Variants in AFAP1L2 observed in about 807,000 individuals in gnomAD.
AFAP1L2 encodes the protein actin filament-associated protein 1-like 2.
In AFAP1L2, 46 loss-of-function variants were observed where a neutral mutation model predicts 99.3. The ratio of observed to expected loss-of-function variants is 0.46; its 90% confidence interval spans 0.37 to 0.59. The LOEUF (loss-of-function observed/expected upper bound fraction) is 0.59. Ranked by LOEUF, AFAP1L2 falls within the 20% of genes least tolerant of loss-of-function variation. AFAP1L2 has a pLI of 0.00. For missense variants in AFAP1L2, 959 were observed against 1,034.9 expected (o/e 0.93, Z 1.01); for synonymous variants, 397 against 419.1 (o/e 0.95, Z 0.64).
At chr10:114,383,161 AAT>A (rs1388189731) in intron 1 of AFAP1L2, among the ~76,000 whole-genome samples, 1 of 152,240 alleles carries the variant, frequency 6.6e-6, no homozygotes, top group African/African-American at 2.4e-5. Context: ...ATATGTGGAC[AAT>A]GTTTTGAAAG....
chr10:114,387,546 C>T (rs533825251), intron 1 of AFAP1L2, among the ~76,000 whole-genome samples: 1 of 152,306 alleles, frequency 6.6e-6, no homozygotes, highest in South Asian at 2.1e-4. Flanking sequence ...GGGCTCTGAC[C>T]ATGTGCTGAA....
chr10:114,356,595 G>A (rs976383827), intron 1 of AFAP1L2, among the ~76,000 whole-genome samples: 6 of 152,020 alleles, frequency 3.9e-5, no homozygotes, highest in Non-Finnish European at 8.8e-5. Context: ...ATTTCTATTG[G>A]ATAGTACTGA....
chr10:114,295,278 A>G lies in AFAP1L2; in HGVS notation c.*764T>C. On this transcript the variant is annotated 3_prime_UTR_variant, in exon 19 of 19. Coordinates refer to ENST00000304129, the MANE Select transcript of AFAP1L2 (RefSeq NM_001001936.3). ...AGTAAAGAGTCACTTTAATCTCAAA[A>G]GATACTTTTCACTGTTCTAAATGAC... 1 of 985,200 alleles carries G rather than the reference A, an allele frequency of 1.0e-6. No individual in the cohort carries two copies. Among genetic ancestry groups the G allele is most frequent in the Non-Finnish European group, 1.2e-6 (1 of 829,294 alleles). The allele number at this position is 985,200 out of a possible 1,614,324, so 61.0% of individuals were successfully genotyped here.
rs1042313031 is a variant in AFAP1L2 at position 114,302,188 on chromosome 10, G to A, written c.1430+151C>T. 5 of 1,208,144 alleles carry A rather than the reference G, an allele frequency of 4.1e-6. No homozygotes were observed. The African/African-American group carries it at 6.1e-5, about 15-fold the overall frequency. The allele number at this position is 1,208,144 out of a possible 1,614,324, so 74.8% of individuals were successfully genotyped here. On this transcript the variant is annotated intron_variant, in intron 12 of 18. Coordinates refer to ENST00000304129, the MANE Select transcript of AFAP1L2 (RefSeq NM_001001936.3). The stretch of plus-strand genomic sequence containing the variant: ...TCCTGGCTCTTGGCCGGGCCTCCCT[G>A]AGGGCTACTCCTTGGCTTCACATTT...
rs149061671 is a variant in AFAP1L2 at position 114,390,999 on chromosome 10, T to C, written c.16+13441A>G. Among the ~76,000 whole-genome samples the C allele has an allele frequency of 2.2e-3, 338 of 152,292 alleles. 7 individuals carry two copies. Among genetic ancestry groups the C allele is most frequent in the Admixed American group, 0.014 (216 of 15,300 alleles). On this transcript the variant is annotated intron_variant, in intron 1 of 18. Coordinates refer to ENST00000304129, the MANE Select transcript of AFAP1L2 (RefSeq NM_001001936.3). Reference sequence around the variant, plus strand: ...TACCCTTGATTCACTGTCTTTACTATGTACATTCATGCCTTTTTCTGGTTA... The same window carrying C: ...TACCCTTGATTCACTGTCTTTACTACGTACATTCATGCCTTTTTCTGGTTA...
At chr10:114,349,815 CG>C (rs1337336632) in intron 1 of AFAP1L2, among the ~76,000 whole-genome samples, 2 of 15,330 alleles carry the variant, frequency 1.3e-4, no homozygotes, top group Admixed American at 7.4e-4. Context: ...GCGAGGGGGG[CG>C]GGGGGGTTTG....
chr10:114,401,471 C>T (rs934674984), intron 1 of AFAP1L2, among the ~76,000 whole-genome samples: 5 of 152,176 alleles, frequency 3.3e-5, no homozygotes, highest in Admixed American at 3.3e-4. Context: ...CTCAAAGCAC[C>T]CTGTAGGATT....
At chr10:114,368,815 C>G (rs979025977) in intron 1 of AFAP1L2, among the ~76,000 whole-genome samples, 7 of 132,736 alleles carry the variant, frequency 5.3e-5, no homozygotes, top group African/African-American at 1.1e-4. Flanking sequence ...CACACACACA[C>G]AGAGTAACTA....
At chr10:114,303,319 T>A (rs77768269) in intron 11 of AFAP1L2, among the ~76,000 whole-genome samples, 1 of 152,198 alleles carries the variant, frequency 6.6e-6, no homozygotes, top group Non-Finnish European at 1.5e-5. Context: ...AGTTTTTTTT[T>A]ATTTTAAAGA....
chr10:114,315,294 G>A (rs192464087), intron 6 of AFAP1L2, among the ~76,000 whole-genome samples: 4 of 152,168 alleles, frequency 2.6e-5, no homozygotes, highest in African/African-American at 9.7e-5. Flanking sequence ...AGAGGAGGAT[G>A]GGATGGGGAT....
chr10:114,369,283 GTCTGTC>G (rs1338052180), intron 1 of AFAP1L2, among the ~76,000 whole-genome samples: 15 of 152,252 alleles, frequency 9.9e-5, no homozygotes, highest in Admixed American at 2.0e-4. Flanking sequence ...ATAGTGAGAT[GTCTGTC>G]TCTATTTAAA....
intron 2 of AFAP1L2, 25 bp from the exon 3 acceptor site, chr10:114,333,320 T>G: frequency 6.3e-7 from 1 of 1,590,828 alleles, no homozygotes; most frequent in Non-Finnish European, 8.6e-7. Context: ...AGACACAGGC[T>G]TTGTGTGACT....
intron 1 of AFAP1L2, among the ~76,000 whole-genome samples, chr10:114,371,862 G>A (rs886277856): frequency 6.6e-6 from 1 of 150,646 alleles, no homozygotes; most frequent in Non-Finnish European, 1.5e-5. Flanking sequence ...GATTTTTTTG[G>A]GGGGGTGGCG....
At chr10:114,327,147 T>TTATATATATATATATATATATATA (rs369500918) in intron 4 of AFAP1L2, among the ~76,000 whole-genome samples, 1 of 54,538 alleles carries the variant, frequency 1.8e-5, no homozygotes. Flanking sequence ...TTATATATAT[T>TTATATATATATATATATATATATA]TATATATATA....
At chr10:114,299,764 G>A (rs1164188605) in intron 15 of AFAP1L2, among the ~76,000 whole-genome samples, 1 of 152,234 alleles carries the variant, frequency 6.6e-6, no homozygotes, top group Non-Finnish European at 1.5e-5. Flanking sequence ...TCAGCTGCCA[G>A]CATGGCTAGA....
In AFAP1L2 at chr10:114,313,944, T is replaced by C; in HGVS notation, c.719A>G (p.Lys240Arg). ...KQVRKKEHKL[K>R]ITPMNADVIV... is the part of the protein sequence containing the mutation. ...CACATCGGCATTCATCGGCGTGATC[T>C]TCAGCTTGTGCTCCTTCTTCCGCAC... Residue 240 changes from lysine to arginine, a missense_variant, in exon 7 of 19, where the codon AAG becomes AGG. Physicochemically the swap from Lys to Arg is conservative, Grantham distance 26. Around this residue, in one of 2 missense-constraint regions of AFAP1L2, gnomAD observed 383 missense variants for 472.8 expected, o/e 0.81. Transcript: ENST00000304129. The C allele has an allele frequency of 6.2e-7, 1 of 1,614,060 alleles. No homozygotes were observed. Among genetic ancestry groups the C allele is most frequent in the Non-Finnish European group, 8.5e-7 (1 of 1,179,996 alleles).
Position 114,304,801 on chromosome 10 carries a change from C to T in AFAP1L2, c.1202G>A (p.Cys401Tyr). The change falls in exon 11 of 19, where the codon TGC becomes TAC. Residue 401 changes from cysteine to tyrosine, a missense_variant. Physicochemically the swap from Cys to Tyr is radical, Grantham distance 194. Coordinates refer to ENST00000304129, the MANE Select transcript of AFAP1L2 (RefSeq NM_001001936.3). ...GGGGCTGGGGTCTGGGACCACCTCG[C>T]AGCCCACCAGGCTGAGGGGTTGCTG... ...VAQQPLSLVG[C>Y]EVVPDPSPDH... is the part of the protein sequence containing the mutation. The T allele has an allele frequency of 6.2e-7, 1 of 1,613,266 alleles. No homozygotes were observed. Among genetic ancestry groups the T allele is most frequent in the Non-Finnish European group, 8.5e-7 (1 of 1,180,010 alleles).
chr10:114,297,219 C>T lies in AFAP1L2; in HGVS notation c.2307+1G>A, dbSNP rs145718295. 5.8e-5 allele frequency: 91 copies of T among 1,571,010 alleles called. 1 individual carries two copies. Among genetic ancestry groups the T allele is most frequent in the South Asian group, 1.7e-4 (15 of 90,462 alleles). Reference sequence around the variant, plus strand: ...CCAGAGGCCGCAGTTCCAGCACTCACGCGGGGGCTCACATTCTCCAGGTGG... The same window carrying T: ...CCAGAGGCCGCAGTTCCAGCACTCATGCGGGGGCTCACATTCTCCAGGTGG... On this transcript the variant is annotated splice_donor_variant, in intron 17 of 18. Coordinates refer to ENST00000304129, the MANE Select transcript of AFAP1L2 (RefSeq NM_001001936.3). LOFTEE classifies it high-confidence loss of function.
chr10:114,315,118 G>A (rs2043913208), intron 6 of AFAP1L2, among the ~76,000 whole-genome samples: 1 of 152,152 alleles, frequency 6.6e-6, no homozygotes, highest in African/African-American at 2.4e-5. Flanking sequence ...TGCAGCCTGG[G>A]CGACAGAGCA....
Sources: allele counts gnomAD v4.1 joint callset (sites outside exome capture counted in the v4.1 genomes callset), GRCh38; gene constraint gnomAD v4.1.1; regional missense constraint gnomAD v4.1.1; transcripts MANE v1.5; gene names NCBI Gene and HGNC (gene_info 2026-07-23, HGNC 2026-07-21).